RGR: variants seen among roughly 807,000 people sequenced by gnomAD.
RGR encodes the protein RPE-retinal G protein-coupled receptor.
In RGR, 30 loss-of-function variants were observed where a neutral mutation model predicts 28.6. The ratio of observed to expected loss-of-function variants is 1.05; its 90% CI spans 0.78 to 1.42. The LOEUF (loss-of-function observed/expected upper bound fraction) is 1.42. RGR is among the 40% of genes most tolerant of loss of function. RGR has a pLI of 0.00. For synonymous variants in RGR, 180 were observed against 156.4 expected, an observed-to-expected ratio of 1.15 and a Z score of -1.13; for missense variants, 404 against 375.6, an observed-to-expected ratio of 1.08 and a Z score of -0.62.
intron 4 of RGR, among the ~76,000 whole-genome samples, chr10:84,253,533 C>G (rs1842846073): frequency 6.6e-6 from 1 of 152,174 alleles, no homozygotes. Context: ...ACTGCCCCAT[C>G]AGGAGGCTCT....
In RGR at chr10:84,252,949, G is replaced by T; in HGVS notation, c.451G>T (p.Gly151Cys). The change falls in exon 4 of 7, where the codon GGT (glycine) becomes TGT (cysteine). Residue 151 changes from glycine to cysteine, a missense_variant. Coordinates refer to ENST00000652092, the MANE Select transcript of RGR (RefSeq NM_001012720.2). ...FWAALPLLGWGHYDYEPLGTC... is the reference protein window; with the variant it reads ...FWAALPLLGWCHYDYEPLGTC... ...GGCAGCTCTGCCCCTTCTGGGTTGGGGTCACTACGACTATGAGCCACTGGG... is the reference window on the plus strand; with the variant it reads ...GGCAGCTCTGCCCCTTCTGGGTTGGTGTCACTACGACTATGAGCCACTGGG... The T allele has an allele frequency of 6.2e-7, 1 of 1,614,042 alleles. No homozygotes were observed. Among genetic ancestry groups the T allele is most frequent in the South Asian group, 1.1e-5 (1 of 91,082 alleles).
chr10:84,245,633 A>G (rs895493011), intron 1 of RGR, among the ~76,000 whole-genome samples: 1 of 152,192 alleles, frequency 6.6e-6, no homozygotes, highest in Non-Finnish European at 1.5e-5. Flanking sequence ...ATGCCTTGAC[A>G]TTCCGAATGG....
intron 6 of RGR, among the ~76,000 whole-genome samples, chr10:84,258,253 G>GA (rs1564552458): frequency 2.0e-5 from 3 of 152,156 alleles, no homozygotes; most frequent in Admixed American, 2.0e-4. Flanking sequence ...CAGCCAGCCA[G>GA]ATGGTGTAGA....
chr10:84,254,598 CAGAG>C (rs1203738753), intron 5 of RGR, among the ~76,000 whole-genome samples, 155 bp downstream of exon 5: 12 of 152,220 alleles, frequency 7.9e-5, no homozygotes, highest in African/African-American at 2.9e-4. Flanking sequence ...ATTACACTCT[CAGAG>C]AGGGGAGGGT....
rs373630058 is a variant in RGR at position 84,252,842 on chromosome 10, C to A, written c.359-15C>A. 6.2e-7 allele frequency: 1 copy of A among 1,614,092 alleles called. No individual in the cohort carries two copies. The highest frequency in any genetic ancestry group is 8.5e-7 in the Non-Finnish European group (1 of 1,180,040). On this transcript the variant is annotated splice_polypyrimidine_tract_variant and intron_variant, in intron 3 of 6. Coordinates refer to ENST00000652092, the MANE Select transcript of RGR (RefSeq NM_001012720.2). ...TCCTCCTCACAACCTCCTCTTCTTC[C>A]TCTGTCCTGTGCAGGTAGCCAGCTG...
chr10:84,249,050 A>G lies in RGR; in HGVS notation c.358+7A>G. ...TATCACCACTACTGCACCCGTATGT[A>G]TCTGGGCTCCTGGAGTGGAGGGACA... On this transcript the variant is annotated splice_region_variant and intron_variant, in intron 3 of 6. Coordinates refer to ENST00000652092, the MANE Select transcript of RGR (RefSeq NM_001012720.2). The G allele has an allele frequency of 6.2e-7, 1 of 1,613,812 alleles. No individual in the cohort carries two copies. Among genetic ancestry groups the G allele is most frequent in the Non-Finnish European group, 8.5e-7 (1 of 1,179,774 alleles).
At position 84,245,149 on chromosome 10, in the gene RGR, G is replaced by T. The variant is rs777267592; in HGVS notation, c.59G>T (p.Gly20Val). ...GGGGAGCTCGAGGTGCTGGCTGTGGGGATGGTGCTACTGGTGGAAGGTGAG... is the reference window on the plus strand; with the variant it reads ...GGGGAGCTCGAGGTGCTGGCTGTGGTGATGGTGCTACTGGTGGAAGGTGAG... ...GFGELEVLAV[G>V]MVLLVEALSG... Residue 20 changes from glycine to valine, a missense_variant, in exon 1 of 7, where the codon GGG becomes GTG. Transcript: ENST00000652092. The T allele has an allele frequency of 5.6e-6, 9 of 1,613,096 alleles. No homozygotes were observed. The highest frequency in any genetic ancestry group is 5.3e-5 in the African/African-American group (4 of 74,884).
Position 84,258,892 on chromosome 10 carries a change from A to T in RGR, c.*253A>T, listed in dbSNP as rs376202960. 3 of 504,358 alleles carry T rather than the reference A, an allele frequency of 5.9e-6. No homozygotes were observed. Among genetic ancestry groups the T allele is most frequent in the Admixed American group, 3.2e-5 (1 of 31,040 alleles). The allele number at this position is 504,358 out of a possible 1,614,324, so 31.2% of individuals were successfully genotyped here. ...AAGTCATTCCTTTTTAAAAATAATAATAAATGTAAGGGGGTACAGTGCAGT... is the reference window on the plus strand; with the variant it reads ...AAGTCATTCCTTTTTAAAAATAATATTAAATGTAAGGGGGTACAGTGCAGT... On this transcript the variant is annotated 3_prime_UTR_variant, in exon 7 of 7. Coordinates refer to ENST00000652092, the MANE Select transcript of RGR (RefSeq NM_001012720.2).
chr10:84,250,520 A>G (rs1490676568), intron 3 of RGR: 6 of 134,872 alleles, frequency 4.4e-5, no homozygotes, highest in East Asian at 1.7e-4. Context: ...CATCTTATAC[A>G]CACACACACA....
chr10:84,249,207 G>A (rs1267592325), intron 3 of RGR, among the ~76,000 whole-genome samples, 164 bp downstream of exon 3: 2 of 152,194 alleles, frequency 1.3e-5, no homozygotes, highest in African/African-American at 2.4e-5. Context: ...AGGAAAGGAG[G>A]GAGGGTGGGA....
chr10:84,248,778 C>T, intron 2 of RGR, 144 bp from the exon 3 acceptor site: 1 of 1,476,938 alleles, frequency 6.8e-7, no homozygotes, highest in Non-Finnish European at 9.4e-7. Context: ...AGCTCCAACG[C>T]CTCATAGGAA....
Position 84,254,502 on chromosome 10 carries a change from G to A in RGR, c.630+59G>A. ...TGCAGCGCAGCTCCAGGCTCTTGGT[G>A]TCCCGAACAAAGAATTGGATGTGAC... On this transcript the variant is annotated intron_variant, in intron 5 of 6. Transcript: ENST00000652092. The A allele has an allele frequency of 2.2e-6, 3 of 1,389,224 alleles. No homozygotes were observed. In the Admixed American group the frequency reaches 5.0e-5, roughly 23 times the overall value. 86.1% of individuals were successfully genotyped at this position (1,389,224 alleles called of 1,614,324 possible).
In RGR at chr10:84,257,122, G is replaced by A. The variant is rs1278158538; in HGVS notation, c.631-771G>A. On this transcript the variant is annotated intron_variant, in intron 5 of 6. Transcript: ENST00000652092. ...TCTTTGTTAAAGAAAGTCAGGTCAG[G>A]GAGAAAACAGGCAAGAACTTGAGCG... Among the ~76,000 whole-genome samples the A allele has an allele frequency of 3.3e-5, 5 of 151,314 alleles. No homozygotes were observed. In the East Asian group the frequency reaches 9.6e-4, roughly 29 times the overall value.
chr10:84,251,321 A>G (rs1032346283), intron 3 of RGR, among the ~76,000 whole-genome samples: 2 of 152,136 alleles, frequency 1.3e-5, no homozygotes, highest in African/African-American at 4.8e-5. Flanking sequence ...TCGTGCCCAC[A>G]GTTGGGATGG....
intron 5 of RGR, among the ~76,000 whole-genome samples, chr10:84,256,628 C>A (rs1262381871): frequency 6.6e-6 from 1 of 152,176 alleles, no homozygotes; most frequent in Non-Finnish European, 1.5e-5. Flanking sequence ...AGAGAAAGGG[C>A]TTTCCTGGGA....
chr10:84,248,664 G>T lies in RGR; in HGVS notation c.237-258G>T, dbSNP rs1842776989. On this transcript the variant is annotated intron_variant, in intron 2 of 6. Coordinates refer to ENST00000652092, the MANE Select transcript of RGR (RefSeq NM_001012720.2). Reference sequence around the variant, plus strand: ...GGCATGAGCTCTCCTGTGACAGAGGGATCTGATCACGCAGAGAGAGCCTAT... The same window carrying T: ...GGCATGAGCTCTCCTGTGACAGAGGTATCTGATCACGCAGAGAGAGCCTAT... 5.1e-6 allele frequency: 3 copies of T among 590,350 alleles called. No individual in the cohort carries two copies. In the East Asian group the frequency reaches 8.6e-5, roughly 17 times the overall value. 36.6% of individuals were successfully genotyped at this position (590,350 alleles called of 1,614,324 possible).
intron 5 of RGR, chr10:84,255,121 TC>T (rs1842866895): frequency 1.3e-5 from 2 of 156,540 alleles, no homozygotes; most frequent in Non-Finnish European, 2.8e-5. Context: ...AGCAGTAATT[TC>T]TCGTTTCCTC....
At position 84,259,511 on chromosome 10, in the gene RGR, T is replaced by C. The variant is rs1187376089; in HGVS notation, c.*872T>C. ...TACTAATTTACAGTCCCACCAACAG[T>C]GTATAGGTGTTCCCTTTTCTCTGCA... On this transcript the variant is annotated 3_prime_UTR_variant, in exon 7 of 7. Coordinates refer to ENST00000652092, the MANE Select transcript of RGR (RefSeq NM_001012720.2). 2 of 152,138 alleles carry C rather than the reference T, an allele frequency of 1.3e-5. No individual in the cohort carries two copies. Among genetic ancestry groups the C allele is most frequent in the African/African-American group, 4.8e-5 (2 of 41,456 alleles). 9.4% of individuals were successfully genotyped at this position (152,138 alleles called of 1,614,324 possible).
At chr10:84,247,423 G>A (rs1394347652) in intron 1 of RGR, among the ~76,000 whole-genome samples, 168 bp from the exon 2 acceptor site, 2 of 152,114 alleles carry the variant, frequency 1.3e-5, no homozygotes, top group Non-Finnish European at 2.9e-5. Context: ...TAAGTGCCTG[G>A]CAGCTGTCAG....
Sources: allele counts gnomAD v4.1 joint callset (sites outside exome capture counted in the v4.1 genomes callset), GRCh38; gene constraint gnomAD v4.1.1; transcripts MANE v1.5; gene names NCBI Gene and HGNC (gene_info 2026-07-23, HGNC 2026-07-21).